The following ADAMTS7 variants were observed in gnomAD, a reference collection of about 807,000 sequenced individuals.
ADAMTS7 encodes ADAM metallopeptidase with thrombospondin type 1 motif 7.
ADAMTS7 carries 89 observed loss-of-function variants against 172.6 expected under a neutral mutation model. The observed-to-expected ratio is 0.52, with a 90% CI of 0.43 to 0.61. The LOEUF (loss-of-function observed/expected upper bound fraction) is 0.61. Among genes scored for constraint, ADAMTS7 ranks in the 20% least tolerant of loss-of-function variants. The probability of loss-of-function intolerance (pLI) is 0.00; values close to 1 mark genes in which losing one functional copy is unlikely to be tolerated. For synonymous variants in ADAMTS7, 885 were observed against 978.4 expected (o/e 0.90, Z 1.78); for missense variants, 1,973 against 2,355.6 (o/e 0.84, Z 3.36).
chr15:78,798,260 T>C, intron 2 of ADAMTS7, 147 bp from the exon 3 acceptor site: 1 of 730,174 alleles, frequency 1.4e-6, no homozygotes, highest in Non-Finnish European at 2.1e-6. Flanking sequence ...TTCCTCCCGC[T>C]GGGCCTTTGC....
At chr15:78,767,107 G>A (rs1810165) in intron 18 of ADAMTS7, 56 bp from the exon 19 acceptor site, 907,681 of 1,497,982 alleles carry the variant, frequency 0.61, 279,615 homozygotes, top group African/African-American at 0.89. Flanking sequence ...GCCAGGGGAC[G>A]CTGGGGCAAG....
At chr15:78,763,584 A>G in intron 22 of ADAMTS7, 115 bp downstream of exon 22, 9 of 1,336,018 alleles carry the variant, frequency 6.7e-6, no homozygotes, top group Non-Finnish European at 8.7e-6. Flanking sequence ...GTCCAGTGAC[A>G]GGGCCACAAA....
At chr15:78,775,331 T>C (rs983617557) in intron 11 of ADAMTS7, among the ~76,000 whole-genome samples, 13 of 152,128 alleles carry the variant, frequency 8.5e-5, no homozygotes, top group Admixed American at 8.5e-4. Context: ...ATCCTCCGCA[T>C]CTAGGCCAGG....
chr15:78,767,712 G>C, intron 17 of ADAMTS7, 120 bp from the exon 18 acceptor site: 1 of 934,210 alleles, frequency 1.1e-6, no homozygotes, highest in Non-Finnish European at 1.6e-6. Flanking sequence ...CTGGGACTGA[G>C]GCCAGTGGTT....
At chr15:78,763,899 C>T (rs762317795) in intron 21 of ADAMTS7, 27 bp downstream of exon 21, 15 of 1,559,386 alleles carry the variant, frequency 9.6e-6, no homozygotes, top group Non-Finnish European at 1.3e-5. Context: ...GGCGTCCCCT[C>T]CCCCCAACTC....
At chr15:78,791,744 C>T (rs1014044507) in intron 4 of ADAMTS7, among the ~76,000 whole-genome samples, 3 of 152,208 alleles carry the variant, frequency 2.0e-5, no homozygotes, top group Non-Finnish European at 4.4e-5. Context: ...TGAGGGTAGG[C>T]ACAGGCCTAT....
chr15:78,806,121 CACACACAAAAAAAAAAAAAA>C (rs1567245710), intron 1 of ADAMTS7, among the ~76,000 whole-genome samples: 5 of 22,618 alleles, frequency 2.2e-4, no homozygotes, highest in African/African-American at 4.4e-4. Flanking sequence ...CACACACACA[CACACACAAAAAAAAAAAAAA>C]AAAAAAAAAA....
intron 3 of ADAMTS7, 75 bp from the exon 4 acceptor site, chr15:78,796,861 G>C: frequency 7.3e-7 from 1 of 1,371,934 alleles, no homozygotes; most frequent in Non-Finnish European, 9.8e-7. Flanking sequence ...CCTCTCCTCA[G>C]TGAGCTCTCT....
chr15:78,791,915 G>C (rs1029578518), intron 4 of ADAMTS7, among the ~76,000 whole-genome samples: 2 of 136,622 alleles, frequency 1.5e-5, no homozygotes, highest in Non-Finnish European at 3.5e-5. Context: ...ATAAGCCAAG[G>C]TGAGGGGAAA....
At chr15:78,793,949 CT>C (rs796231568) in intron 4 of ADAMTS7, among the ~76,000 whole-genome samples, 22 of 152,316 alleles carry the variant, frequency 1.4e-4, no homozygotes, top group African/African-American at 5.1e-4. Flanking sequence ...CTCTCTGAAT[CT>C]TTGTTTCCTC....
At chr15:78,761,294 C>T (rs2055039513) in intron 23 of ADAMTS7, among the ~76,000 whole-genome samples, 1 of 152,208 alleles carries the variant, frequency 6.6e-6, no homozygotes, top group Non-Finnish European at 1.5e-5. Flanking sequence ...TTGCAGGGGG[C>T]CCTGAATGCC....
Position 78,797,993 on chromosome 15 carries a change from C to T in ADAMTS7, c.577G>A (p.Ala193Thr), listed in dbSNP as rs370945321. The change falls in exon 3 of 24, where the codon GCA (alanine) becomes ACA (threonine). Residue 193 changes from alanine (A) to threonine (T), a missense_variant. Ala to Thr is a moderately conservative substitution (Grantham distance 58). This residue lies in a region of ADAMTS7 where 306 missense variants were observed against 288.0 expected (regional missense o/e 1.06). Transcript: ENST00000388820. ...GGAGCACTGGAATCACCCCGCTGTG[C>T]CAGCCTCTCCGGGGCCTGACGCTTG... The part of the protein sequence containing the change: ...VYKRQAPERL[A>T]QRGDSSAPST... 1.9e-6 allele frequency: 3 copies of T among 1,591,548 alleles called. No homozygotes were observed. The South Asian group carries it at 3.4e-5, about 18-fold the overall frequency.
In ADAMTS7 at chr15:78,788,226, C is replaced by T; in HGVS notation, c.1322+5G>A. On this transcript the variant is annotated splice_donor_5th_base_variant and intron_variant, in intron 8 of 23. Transcript: ENST00000388820. ...GGTATAGGGGCCCAGGGCTGGGGGA[C>T]TTACTCAAGGAACCTGGTGATATAC... 6.2e-7 allele frequency: 1 copy of T among 1,613,388 alleles called. No homozygotes were observed. The highest frequency in any genetic ancestry group is 8.5e-7 in the Non-Finnish European group (1 of 1,179,930).
Position 78,789,823 on chromosome 15 carries a change from T to C in ADAMTS7, c.1044A>G (p.Ala348=), listed in dbSNP as rs1227999774. 1.9e-6 allele frequency: 3 copies of C among 1,595,724 alleles called. No individual in the cohort carries two copies. The highest frequency in any genetic ancestry group is 2.6e-6 in the Non-Finnish European group (3 of 1,171,698). Residue 348 remains alanine (A), a synonymous_variant, in exon 7 of 24, where the codon GCA becomes GCG. Coordinates refer to ENST00000388820, the MANE Select transcript of ADAMTS7 (RefSeq NM_014272.5). ...GGGTCTCACAGGGCCGGTTCATGGCTGCACACAGGTCCTTTCTGCACAGGC... is the reference window on the plus strand; with the variant it reads ...GGGTCTCACAGGGCCGGTTCATGGCCGCACACAGGTCCTTTCTGCACAGGC... ...AILLTRKDLC[A]AMNRPCETLG...
rs964376863 is a variant in ADAMTS7 at position 78,761,690 on chromosome 15, C to T, written c.4903+713G>A. Among the ~76,000 whole-genome samples the T allele has an allele frequency of 6.2e-4, 95 of 152,246 alleles. 1 individual carries two copies. The highest frequency in any genetic ancestry group is 6.8e-3 in the Middle Eastern group (2 of 294). ...CCCCATTTCCTGCCCTCAGCACTTC[C>T]GGGAGCAGCTGGGGCTGCAGGAAGG... On this transcript the variant is annotated intron_variant, in intron 23 of 23. Transcript: ENST00000388820.
rs138637882 is a variant in ADAMTS7 at position 78,762,416 on chromosome 15, G to A, written c.4890C>T (p.Pro1630=). 1.2e-3 allele frequency: 1,722 copies of A among 1,491,316 alleles called. 7 individuals are homozygous for A. Among genetic ancestry groups the A allele is most frequent in the Middle Eastern group, 1.9e-3 (8 of 4,104 alleles). The allele number at this position is 1,491,316 out of a possible 1,614,324, so 92.4% of individuals were successfully genotyped here. A position where few individuals can be genotyped will look rare whatever the true frequency, so the allele number is the denominator to read the frequency against. Residue 1630 remains proline, a synonymous_variant, in exon 23 of 24, where the codon CCC becomes CCT. Coordinates refer to ENST00000388820, the MANE Select transcript of ADAMTS7 (RefSeq NM_014272.5). The part of the protein sequence containing the change: ...SRPCGTEDCE[P]VEPPRCERDR... ...CAGGGGACTCACGGGGAGGCTCGAC[G>A]GGCTCACAATCCTCGGTGCCACACG... is the stretch of plus-strand genomic sequence containing the variant.
intron 4 of ADAMTS7, among the ~76,000 whole-genome samples, chr15:78,792,571 C>T (rs2055594820): frequency 6.6e-6 from 1 of 152,226 alleles, no homozygotes; most frequent in Non-Finnish European, 1.5e-5. Context: ...CTGGTCCCTG[C>T]CTTCCTCTCT....
In ADAMTS7 at chr15:78,773,015, C is replaced by A. The variant is rs535877356; in HGVS notation, c.2131+68G>T. The A allele has an allele frequency of 1.0e-3, 1,451 of 1,457,472 alleles. 31 individuals are homozygous for A. The highest frequency in any genetic ancestry group is 1.7e-3 in the Middle Eastern group (7 of 4,202). The allele number at this position is 1,457,472 out of a possible 1,614,324, so 90.3% of individuals were successfully genotyped here. Reference sequence around the variant, plus strand: ...GGCCACGAGGCCAAGGACAGGGGCCCAGGGGAGATGGGGAAGGGGCCATCA... The same window carrying A: ...GGCCACGAGGCCAAGGACAGGGGCCAAGGGGAGATGGGGAAGGGGCCATCA... On this transcript the variant is annotated intron_variant, in intron 14 of 23. Coordinates refer to ENST00000388820, the MANE Select transcript of ADAMTS7 (RefSeq NM_014272.5).
chr15:78,811,110 C>T lies in ADAMTS7; in HGVS notation c.100+11G>A, dbSNP rs2055860132. ...GCAGGCCCGGCTGGCCGGGGAGGGG[C>T]GGACACCCACCTGGTGCGGGTCCGG... On this transcript the variant is annotated intron_variant, in intron 1 of 23. Coordinates refer to ENST00000388820, the MANE Select transcript of ADAMTS7 (RefSeq NM_014272.5). 1.6e-6 allele frequency: 2 copies of T among 1,230,018 alleles called. No individual in the cohort carries two copies. Among genetic ancestry groups the T allele is most frequent in the Non-Finnish European group, 2.0e-6 (2 of 986,806 alleles). The allele number at this position is 1,230,018 out of a possible 1,614,324, so 76.2% of individuals were successfully genotyped here. A position where few individuals can be genotyped will look rare whatever the true frequency, so the allele number is the denominator to read the frequency against.
Sources: allele counts gnomAD v4.1 joint callset (sites outside exome capture counted in the v4.1 genomes callset), GRCh38; gene constraint gnomAD v4.1.1; regional missense constraint gnomAD v4.1.1; transcripts MANE v1.5; gene names NCBI Gene and HGNC (gene_info 2026-07-23, HGNC 2026-07-21).